The following CNTN4 variants were observed in gnomAD, a reference collection of about 807,000 sequenced individuals.
CNTN4 encodes contactin-4.
In CNTN4, 77 loss-of-function variants were observed where a neutral mutation model predicts 122.5. The ratio of observed to expected loss-of-function variants is 0.63; its 90% CI spans 0.52 to 0.76. The LOEUF (loss-of-function observed/expected upper bound fraction) is 0.76. Among genes scored for constraint, CNTN4 ranks in the 30% least tolerant of loss-of-function variants. The pLI, the probability that CNTN4 is intolerant of heterozygous loss-of-function variation, is 0.00. For synonymous variants in CNTN4, 512 were observed against 447.0 expected, an observed-to-expected ratio of 1.15 and a Z score of -1.83; for missense variants, 1,256 against 1,259.1, an observed-to-expected ratio of 1.00 and a Z score of 0.04.
At chr3:2,578,257 G>A (rs2079784359) in intron 4 of CNTN4, among the ~76,000 whole-genome samples, 1 of 152,180 alleles carries the variant, frequency 6.6e-6, no homozygotes, top group African/African-American at 2.4e-5. Flanking sequence ...GCTGTCTAAA[G>A]TTTGGGCTTA....
chr3:2,195,765 T>C (rs182140195), intron 2 of CNTN4, among the ~76,000 whole-genome samples: 64 of 152,318 alleles, frequency 4.2e-4, no homozygotes, highest in African/African-American at 1.3e-3. Flanking sequence ...CAAAGGAGCT[T>C]GGCTTCCTAA....
intron 2 of CNTN4, among the ~76,000 whole-genome samples, chr3:2,109,463 G>A (rs1342831888): frequency 6.6e-6 from 1 of 151,958 alleles, no homozygotes; most frequent in Admixed American, 6.6e-5. Context: ...CTGAACTTTT[G>A]TATATAAAAA....
intron 3 of CNTN4, among the ~76,000 whole-genome samples, chr3:2,433,998 G>C (rs1346658921): frequency 2.6e-5 from 4 of 152,134 alleles, no homozygotes; most frequent in Non-Finnish European, 5.9e-5. Context: ...CAGAGGCTGG[G>C]GGAGGGATTG....
chr3:2,395,543 C>T (rs2046610807), intron 3 of CNTN4, among the ~76,000 whole-genome samples: 1 of 152,150 alleles, frequency 6.6e-6, no homozygotes, highest in African/African-American at 2.4e-5. Context: ...TCGATCTCAT[C>T]ACCCACGCAG....
At chr3:2,356,271 C>T (rs186298415) in intron 3 of CNTN4, among the ~76,000 whole-genome samples, 4 of 152,278 alleles carry the variant, frequency 2.6e-5, no homozygotes, top group Admixed American at 2.6e-4. Context: ...ACTCCATAGG[C>T]AGAGCAGTGG....
At chr3:2,807,051 TG>T (rs1358020795) in intron 6 of CNTN4, among the ~76,000 whole-genome samples, 15 of 152,346 alleles carry the variant, frequency 9.8e-5, no homozygotes, top group African/African-American at 3.4e-4. Context: ...GAGAGATTTT[TG>T]CTTTGTTTTG....
chr3:2,825,027 G>T (rs2092957913), intron 7 of CNTN4, among the ~76,000 whole-genome samples: 1 of 152,016 alleles, frequency 6.6e-6, no homozygotes, highest in Non-Finnish European at 1.5e-5. Context: ...ATATGTTTTT[G>T]TTCATAAAGG....
intron 2 of CNTN4, among the ~76,000 whole-genome samples, chr3:2,275,262 G>C (rs2041458974): frequency 6.6e-6 from 1 of 152,146 alleles, no homozygotes; most frequent in South Asian, 2.1e-4. Context: ...TGGACTTTTG[G>C]ATAAACCAGC....
At chr3:2,847,418 C>A (rs2093474100) in intron 7 of CNTN4, among the ~76,000 whole-genome samples, 2 of 152,172 alleles carry the variant, frequency 1.3e-5, no homozygotes, top group South Asian at 4.1e-4. Context: ...GTCAACTAAT[C>A]AATGTTCACC....
chr3:2,236,329 A>G (rs542196291), intron 2 of CNTN4, among the ~76,000 whole-genome samples: 1 of 152,192 alleles, frequency 6.6e-6, no homozygotes, highest in Non-Finnish European at 1.5e-5. Flanking sequence ...TTACTTCCTT[A>G]TCTGTGAACT....
In CNTN4 at chr3:2,566,750, A is replaced by G. The variant is rs559027298; in HGVS notation, c.-88-4666A>G. The stretch of plus-strand genomic sequence containing the variant: ...ATCCCTAACCTACAAGCAAGCAAAC[A>G]TGTTTACAGAGATTAAGTGTCTTTC... On this transcript the variant is annotated intron_variant, in intron 3 of 24. Transcript: ENST00000418658. Among the ~76,000 whole-genome samples, 11 of 152,306 alleles carry G rather than the reference A, an allele frequency of 7.2e-5. No homozygotes were observed. The South Asian group carries it at 2.3e-3, about 32-fold the overall frequency.
At chr3:2,203,340 T>C (rs190606653) in intron 2 of CNTN4, among the ~76,000 whole-genome samples, 284 of 152,212 alleles carry the variant, frequency 1.9e-3, no homozygotes, top group African/African-American at 6.5e-3. Context: ...GATACTATGC[T>C]AGGTGTTACA....
chr3:2,402,791 A>C (rs2046904000), intron 3 of CNTN4, among the ~76,000 whole-genome samples: 2 of 152,064 alleles, frequency 1.3e-5, no homozygotes, highest in Admixed American at 1.3e-4. Flanking sequence ...TTTATGGTAC[A>C]ATGTTTTTCT....
chr3:2,988,770 A>G (rs1473485162), intron 14 of CNTN4: 2 of 343,932 alleles, frequency 5.8e-6, no homozygotes, highest in African/African-American at 4.2e-5. Flanking sequence ...AATTTCTTTC[A>G]AGTCTCTATA....
At chr3:2,392,059 C>T (rs185390506) in intron 3 of CNTN4, among the ~76,000 whole-genome samples, 1 of 152,142 alleles carries the variant, frequency 6.6e-6, no homozygotes, top group Non-Finnish European at 1.5e-5. Flanking sequence ...CCAAATTGCA[C>T]CCTGCTAAGC....
intron 2 of CNTN4, among the ~76,000 whole-genome samples, chr3:2,222,184 G>A (rs560293116): frequency 5.3e-5 from 8 of 152,276 alleles, no homozygotes; most frequent in East Asian, 1.9e-4. Context: ...TACACGAAAT[G>A]TGTTTATATC....
intron 3 of CNTN4, among the ~76,000 whole-genome samples, chr3:2,498,259 A>T (rs2076504629): frequency 6.6e-6 from 1 of 152,166 alleles, no homozygotes; most frequent in African/African-American, 2.4e-5. Flanking sequence ...ATGGCAACAT[A>T]TTCATTAATA....
intron 3 of CNTN4, among the ~76,000 whole-genome samples, chr3:2,567,293 A>G (rs1482583043): frequency 1.3e-5 from 2 of 152,032 alleles, no homozygotes; most frequent in African/African-American, 4.8e-5. Flanking sequence ...TTGCCGTGTT[A>G]GCCAGGATGG....
At chr3:2,300,626 C>T (rs1206433874) in intron 2 of CNTN4, among the ~76,000 whole-genome samples, 5 of 123,726 alleles carry the variant, frequency 4.0e-5, no homozygotes, top group Admixed American at 1.1e-4. Context: ...GGCTGGAGTG[C>T]AGTGGCACAG....
Sources: gnomAD v4.1 joint callset for allele counts (sites outside exome capture counted in the v4.1 genomes callset) on GRCh38, gnomAD v4.1.1 for gene constraint, MANE v1.5 for transcripts, NCBI Gene and HGNC (gene_info 2026-07-23, HGNC 2026-07-21) for gene names.